COL11A1: variants seen among roughly 807,000 people sequenced by gnomAD.
COL11A1 encodes collagen type XI alpha 1 chain.
COL11A1 carries 74 observed loss-of-function variants against 265.2 expected under a neutral mutation model. The observed-to-expected ratio is 0.28, with a 90% confidence interval of 0.23 to 0.34. The LOEUF is 0.34. Ranked by LOEUF, COL11A1 falls within the 10% of genes least tolerant of loss-of-function variation. The probability of loss-of-function intolerance (pLI) is 1.00; values close to 1 mark genes in which losing one functional copy is unlikely to be tolerated. For synonymous variants in COL11A1, 816 were observed against 727.6 expected, an observed-to-expected ratio of 1.12 and a Z score of -1.96; for missense variants, 2,165 against 2,263.6, an observed-to-expected ratio of 0.96 and a Z score of 0.88.
At position 102,962,682 on chromosome 1, in the gene COL11A1, G is replaced by C; in HGVS notation, c.2995C>G (p.Pro999Ala). The change falls in exon 39 of 67, where the codon CCT becomes GCT. Residue 999 changes from proline (P) to alanine (A), a missense_variant. Physicochemically the swap from Pro to Ala is conservative, Grantham distance 27 (BLOSUM62 -1). Transcript: ENST00000370096. ...GCACCTTCTTTTCCTGCAGCACCAG[G>C]AAGACCTTGCTCACCAGGAGGGCCA... Reference protein sequence around the residue: ...PPGPPGEQGLPGAAGKEGAKG... With the variant: ...PPGPPGEQGLAGAAGKEGAKG... The C allele has an allele frequency of 6.2e-7, 1 of 1,614,102 alleles. No individual in the cohort carries two copies. Among genetic ancestry groups the C allele is most frequent in the Non-Finnish European group, 8.5e-7 (1 of 1,180,004 alleles).
chr1:103,029,307 G>T (rs1014277889), intron 5 of COL11A1, among the ~76,000 whole-genome samples: 4 of 151,966 alleles, frequency 2.6e-5, no homozygotes, highest in African/African-American at 9.6e-5. Flanking sequence ...GCTCCATATT[G>T]CACTTTATGT....
intron 9 of COL11A1, among the ~76,000 whole-genome samples, chr1:103,020,910 C>T (rs566145454): frequency 1.0e-4 from 14 of 138,924 alleles, no homozygotes; most frequent in Non-Finnish European, 2.1e-4. Flanking sequence ...AGATATGCAG[C>T]GTTATTTCTG....
chr1:102,931,494 A>G (rs1657437188), intron 46 of COL11A1, among the ~76,000 whole-genome samples: 1 of 152,076 alleles, frequency 6.6e-6, no homozygotes, highest in Non-Finnish European at 1.5e-5. Flanking sequence ...ACATTTGCTG[A>G]GGAGAGCTTT....
At chr1:102,885,391 A>G (rs1242341980) in intron 63 of COL11A1, among the ~76,000 whole-genome samples, 1 of 152,076 alleles carries the variant, frequency 6.6e-6, no homozygotes, top group East Asian at 1.9e-4. Flanking sequence ...TGAATTATAT[A>G]AGTCCACTGG....
intron 4 of COL11A1, among the ~76,000 whole-genome samples, chr1:103,039,840 C>G (rs1256865841): frequency 6.6e-6 from 1 of 151,122 alleles, no homozygotes; most frequent in Non-Finnish European, 1.5e-5. Flanking sequence ...TTATTTATAA[C>G]AAAAGTAATA....
chr1:102,903,674 T>C lies in COL11A1; in HGVS notation c.4087-4680A>G, dbSNP rs552418349. Among the ~76,000 whole-genome samples, 3 of 152,308 alleles carry C rather than the reference T, an allele frequency of 2.0e-5. No individual in the cohort carries two copies. In the South Asian group the frequency reaches 6.2e-4, roughly 32 times the overall value. On this transcript the variant is annotated intron_variant, in intron 54 of 66. Transcript: ENST00000370096. ...TCTTGCTATTTTCACAAAAGTGGTA[T>C]TAAATTGATTGCTGCATCAGATATT... is the stretch of plus-strand genomic sequence containing the variant.
intron 4 of COL11A1, among the ~76,000 whole-genome samples, chr1:103,058,804 A>G (rs180897523): frequency 1.8e-4 from 27 of 152,268 alleles, no homozygotes; most frequent in Admixed American, 1.6e-3. Context: ...TATATATAAG[A>G]TGGTATATGC....
chr1:103,047,414 T>C (rs1266588857), intron 4 of COL11A1, among the ~76,000 whole-genome samples: 1 of 152,162 alleles, frequency 6.6e-6, no homozygotes, highest in Non-Finnish European at 1.5e-5. Context: ...TGTCTGTTAT[T>C]GGTGTATAAG....
At chr1:103,012,143 ATACT>A (rs2101889152) in intron 14 of COL11A1, among the ~76,000 whole-genome samples, 1 of 152,340 alleles carries the variant, frequency 6.6e-6, no homozygotes, top group African/African-American at 2.4e-5. Context: ...CAAATGAATG[ATACT>A]TATAGTTTAA....
At chr1:102,952,162 G>A (rs534703194) in intron 41 of COL11A1, among the ~76,000 whole-genome samples, 11 of 151,934 alleles carry the variant, frequency 7.2e-5, no homozygotes, top group Non-Finnish European at 1.3e-4. Context: ...GCAGTGGTGC[G>A]ATCTTGGCTC....
chr1:103,108,182 C>T lies in COL11A1; in HGVS notation c.-4G>A, dbSNP rs765530509. 6 of 1,612,884 alleles carry T rather than the reference C, an allele frequency of 3.7e-6. No individual in the cohort carries two copies. The highest frequency in any genetic ancestry group is 4.5e-5 in the East Asian group (2 of 44,838). On this transcript the variant is annotated 5_prime_UTR_variant, in exon 1 of 67. Coordinates refer to ENST00000370096, the MANE Select transcript of COL11A1 (RefSeq NM_001854.4). ...ACCTAGAGGACCACGGCTCCATCTC[C>T]GAGCCCCGCACTCACAACTGTGAAC...
At position 102,912,083 on chromosome 1, in the gene COL11A1, G is replaced by T. The variant is rs984980543; in HGVS notation, c.4086+76C>A. On this transcript the variant is annotated intron_variant, in intron 54 of 66. Transcript: ENST00000370096. The stretch of plus-strand genomic sequence containing the variant: ...TTATTCTTATAACATGCTGCCTGCA[G>T]CTTACACACATTATATAAATTTATC... The T allele has an allele frequency of 7.3e-6, 9 of 1,226,840 alleles. No individual in the cohort carries two copies. The Admixed American group carries it at 1.6e-4, about 22-fold the overall frequency. 76.0% of individuals were successfully genotyped at this position (1,226,840 alleles called of 1,614,324 possible).
chr1:103,036,774 G>A (rs1668404502), intron 4 of COL11A1, among the ~76,000 whole-genome samples: 1 of 151,970 alleles, frequency 6.6e-6, no homozygotes. Context: ...AAGTTATTGA[G>A]TAAAACTGGC....
intron 1 of COL11A1, among the ~76,000 whole-genome samples, chr1:103,098,781 GT>G (rs765679537): frequency 1.3e-5 from 2 of 151,788 alleles, no homozygotes; most frequent in Admixed American, 6.6e-5. Context: ...CTTGAAGAAA[GT>G]TATTTCTAGA....
chr1:103,077,800 G>A (rs2102297962), intron 3 of COL11A1, among the ~76,000 whole-genome samples: 1 of 152,178 alleles, frequency 6.6e-6, no homozygotes. Context: ...AAAGAGCGCA[G>A]TGCAAGCCTG....
rs141548164 is a variant in COL11A1 at position 102,979,414 on chromosome 1, A to T, written c.2578T>A (p.Phe860Ile). 4.8e-3 allele frequency: 7,791 copies of T among 1,609,822 alleles called. 49 individuals are homozygous for T. The highest frequency in any genetic ancestry group is 0.027 in the Admixed American group (1,604 of 59,978). The change falls in exon 32 of 67, where the codon TTT (phenylalanine) becomes ATT (isoleucine). Residue 860 changes from phenylalanine (F) to isoleucine (I), a missense_variant. Phe to Ile is a conservative substitution (Grantham distance 21, BLOSUM62 0). Coordinates refer to ENST00000370096, the MANE Select transcript of COL11A1 (RefSeq NM_001854.4). ...GPKGSTGFPG[F>I]PGANGEKGAR... ...CCTTTCTCTCCATTGGCACCTGGAA[A>T]CCCAGGGAATCCAGTGGAACCCTAC...
rs1246274592 is a variant in COL11A1, at chr1:103,014,514, A to G, written c.1569T>C (p.Ala523=). ...ATGCAAGTTTATCCTGTCTTACCCG[A>G]GCCTGCTGAAGAATAGCTTGAGCCT... ...EAQAQAILQQ[A]RIALRGPPGP... is the part of the protein sequence containing the mutation. Residue 523 remains alanine, a synonymous_variant, in exon 13 of 67, where the codon GCT becomes GCC. Transcript: ENST00000370096. The G allele has an allele frequency of 6.2e-7, 1 of 1,613,580 alleles. No homozygotes were observed. The highest frequency in any genetic ancestry group is 1.3e-5 in the African/African-American group (1 of 75,022).
At chr1:102,986,325 G>A (rs1367713890) in intron 30 of COL11A1, among the ~76,000 whole-genome samples, 4 of 148,752 alleles carry the variant, frequency 2.7e-5, no homozygotes. Context: ...AAAAAACCAA[G>A]CACCGCATGT....
chr1:102,977,414 T>TCTCA (rs1456996675), intron 35 of COL11A1, among the ~76,000 whole-genome samples: 3 of 152,158 alleles, frequency 2.0e-5, no homozygotes, highest in Non-Finnish European at 4.4e-5. Flanking sequence ...GAGGTACTTG[T>TCTCA]CTCACTCTCA....
Sources: allele counts gnomAD v4.1 joint callset (sites outside exome capture counted in the v4.1 genomes callset), GRCh38; gene constraint gnomAD v4.1.1; transcripts MANE v1.5; gene names NCBI Gene and HGNC (gene_info 2026-07-23, HGNC 2026-07-21).